CDH7: variants seen among roughly 807,000 people sequenced by gnomAD.
CDH7 encodes cadherin-7.
Under a neutral mutation model 71.8 loss-of-function variants are expected in CDH7, and 25 were observed. That is an observed-to-expected ratio of 0.35 (90% CI 0.25 to 0.49). The LOEUF (loss-of-function observed/expected upper bound fraction) is 0.49. Among genes scored for constraint, CDH7 ranks in the 20% least tolerant of loss-of-function variants. The pLI is 0.99. For missense variants in CDH7, 862 were observed against 974.6 expected, an observed-to-expected ratio of 0.88 and a Z score of 1.54; for synonymous variants, 381 against 363.8, an observed-to-expected ratio of 1.05 and a Z score of -0.54.
intron 6 of CDH7, among the ~76,000 whole-genome samples, chr18:65,833,983 T>C (rs983713797): frequency 4.6e-5 from 7 of 152,184 alleles, no homozygotes; most frequent in African/African-American, 1.7e-4. Context: ...GAGTCCATTA[T>C]GGAATTTATT....
intron 2 of CDH7, chr18:65,803,678 G>C (rs575292533): frequency 6.6e-6 from 1 of 151,972 alleles, no homozygotes; most frequent in South Asian, 2.1e-4. Context: ...TAGAAAACTT[G>C]TTTATAATAT....
chr18:65,859,874 T>G, intron 10 of CDH7, 49 bp downstream of exon 10: 1 of 1,089,670 alleles, frequency 9.2e-7, no homozygotes, highest in Non-Finnish European at 1.4e-6. Flanking sequence ...ACAGATACTC[T>G]AAGCAAGTAT....
chr18:65,886,110 T>A lies in CDH7; in HGVS notation c.*5216T>A, dbSNP rs1392307814. 2.0e-5 allele frequency: 3 copies of A among 152,230 alleles called. No individual in the cohort carries two copies. Among genetic ancestry groups the A allele is most frequent in the Non-Finnish European group, 4.4e-5 (3 of 68,030 alleles). The allele number at this position is 152,230 out of a possible 1,614,324, so 9.4% of individuals were successfully genotyped here. A position where few individuals can be genotyped will look rare whatever the true frequency, so the allele number is the denominator to read the frequency against. On this transcript the variant is annotated 3_prime_UTR_variant, in exon 12 of 12. Coordinates refer to ENST00000397968, the MANE Select transcript of CDH7 (RefSeq NM_004361.5). ...TTTTGCTGTGCCCTAGATGCCATTT[T>A]CATTCTCTGAACTTTTATAGCTTCA...
chr18:65,855,380 T>C (rs1398697006), intron 7 of CDH7, among the ~76,000 whole-genome samples: 4 of 148,000 alleles, frequency 2.7e-5, no homozygotes, highest in Non-Finnish European at 6.0e-5. Context: ...AAATGATAAA[T>C]ATTAAGAACA....
chr18:65,839,829 A>G (rs1912663701), intron 6 of CDH7, among the ~76,000 whole-genome samples: 1 of 152,198 alleles, frequency 6.6e-6, no homozygotes, highest in African/African-American at 2.4e-5. Flanking sequence ...GATGCTGATC[A>G]CTGAAGGCCA....
chr18:65,767,536 G>T (rs1916413734), intron 2 of CDH7, among the ~76,000 whole-genome samples: 1 of 152,136 alleles, frequency 6.6e-6, no homozygotes, highest in African/African-American at 2.4e-5. Context: ...AACAGGAAAA[G>T]TGTCCTCTGA....
intron 11 of CDH7, among the ~76,000 whole-genome samples, chr18:65,878,253 GCT>G (rs1418219975): frequency 6.6e-6 from 1 of 152,066 alleles, no homozygotes; most frequent in African/African-American, 2.4e-5. Context: ...AAAACAAACT[GCT>G]CTGTTGCATA....
intron 5 of CDH7, among the ~76,000 whole-genome samples, chr18:65,823,660 G>A (rs538366401): frequency 8.6e-5 from 13 of 151,998 alleles, no homozygotes; most frequent in African/African-American, 3.1e-4. Flanking sequence ...AAAACAAACA[G>A]TAACTATTCA....
At chr18:65,752,780 G>T (rs1010704577) in intron 1 of CDH7, among the ~76,000 whole-genome samples, 1 of 152,274 alleles carries the variant, frequency 6.6e-6, no homozygotes, top group Admixed American at 6.5e-5. Flanking sequence ...GAGTCTGTCT[G>T]AGGAAAGAAA....
At chr18:65,818,307 G>A (rs559882723) in intron 4 of CDH7, among the ~76,000 whole-genome samples, 39 of 151,954 alleles carry the variant, frequency 2.6e-4, no homozygotes, top group African/African-American at 3.4e-4. Context: ...AGAATGAATT[G>A]GGTTTATTAC....
intron 2 of CDH7, among the ~76,000 whole-genome samples, chr18:65,775,354 A>AT (rs1255363087): frequency 6.6e-6 from 1 of 152,212 alleles, no homozygotes; most frequent in Non-Finnish European, 1.5e-5. Flanking sequence ...AATAGGTCTC[A>AT]TGTAATACAA....
Position 65,859,790 on chromosome 18 carries a change from C to T in CDH7, c.1577C>T (p.Thr526Ile), listed in dbSNP as rs780665230. Residue 526 changes from threonine to isoleucine, a missense_variant, in exon 10 of 12, where the codon ACA becomes ATA. By Grantham distance (89) the Thr-to-Ile change is moderately conservative. Coordinates refer to ENST00000397968, the MANE Select transcript of CDH7 (RefSeq NM_004361.5). ...QFYFSLTTDATNNHNFSLKDN... is the reference protein window; with the variant it reads ...QFYFSLTTDAINNHNFSLKDN... ...TACTTCAGCTTAACAACGGATGCAA[C>T]AAATAACCACAACTTTTCATTGAAA... 6.2e-7 allele frequency: 1 copy of T among 1,605,534 alleles called. No homozygotes were observed. Among genetic ancestry groups the T allele is most frequent in the Non-Finnish European group, 8.5e-7 (1 of 1,172,402 alleles).
chr18:65,843,912 C>T lies in CDH7; in HGVS notation c.1082C>T (p.Thr361Met), dbSNP rs142208974. The part of the protein sequence containing the change: ...RFLSLGPFSD[T>M]TTVKIIVEDV... ...CTGAGCTTGGGTCCGTTCAGTGACA[C>T]GACAACTGTGAAGATAATTGTGGAA... Residue 361 changes from threonine (T) to methionine (M), a missense_variant, in exon 7 of 12, where the codon ACG becomes ATG. Physicochemically the swap from Thr to Met is moderately conservative, Grantham distance 81. Coordinates refer to ENST00000397968, the MANE Select transcript of CDH7 (RefSeq NM_004361.5). The T allele has an allele frequency of 4.0e-4, 641 of 1,606,034 alleles. No individual in the cohort carries two copies. Among genetic ancestry groups the T allele is most frequent in the Non-Finnish European group, 5.3e-4 (626 of 1,175,046 alleles).
chr18:65,786,091 T>A (rs573536579), intron 2 of CDH7, among the ~76,000 whole-genome samples: 1 of 152,318 alleles, frequency 6.6e-6, no homozygotes, highest in East Asian at 1.9e-4. Flanking sequence ...CCCATTAATA[T>A]GGTTGTAACA....
chr18:65,784,335 T>C (rs974556721), intron 2 of CDH7, among the ~76,000 whole-genome samples: 2 of 152,034 alleles, frequency 1.3e-5, no homozygotes, highest in African/African-American at 4.8e-5. Flanking sequence ...ATGAACAAAG[T>C]GGACACCTGG....
chr18:65,886,149 G>C lies in CDH7; in HGVS notation c.*5255G>C, dbSNP rs1323213777. 2 of 152,088 alleles carry C rather than the reference G, an allele frequency of 1.3e-5. No homozygotes were observed. Among genetic ancestry groups the C allele is most frequent in the Admixed American group, 6.6e-5 (1 of 15,250 alleles). The allele number at this position is 152,088 out of a possible 1,614,324, so 9.4% of individuals were successfully genotyped here. ...TTTATAGCTTCATGATTAAAATTGAGTTAATTACTATTGTGTTTCAGAGGC... is the reference window on the plus strand; with the variant it reads ...TTTATAGCTTCATGATTAAAATTGACTTAATTACTATTGTGTTTCAGAGGC... On this transcript the variant is annotated 3_prime_UTR_variant, in exon 12 of 12. Coordinates refer to ENST00000397968, the MANE Select transcript of CDH7 (RefSeq NM_004361.5).
At chr18:65,808,958 G>T (rs1911426320) in intron 2 of CDH7, among the ~76,000 whole-genome samples, 1 of 152,176 alleles carries the variant, frequency 6.6e-6, no homozygotes, top group Admixed American at 6.5e-5. Flanking sequence ...ATACAGCAGG[G>T]ACAGTTCCAG....
chr18:65,756,611 A>G (rs1483535552), intron 1 of CDH7, among the ~76,000 whole-genome samples: 1 of 152,250 alleles, frequency 6.6e-6, no homozygotes, highest in Non-Finnish European at 1.5e-5. Flanking sequence ...GACTCCAGAC[A>G]GCAGAGAGCA....
intron 3 of CDH7, among the ~76,000 whole-genome samples, chr18:65,812,309 T>C (rs1399381941): frequency 6.6e-6 from 1 of 152,132 alleles, no homozygotes; most frequent in Non-Finnish European, 1.5e-5. Flanking sequence ...CTTGGCTGAT[T>C]CAAATGGGTT....
Sources: allele counts gnomAD v4.1 joint callset (sites outside exome capture counted in the v4.1 genomes callset), GRCh38; gene constraint gnomAD v4.1.1; transcripts MANE v1.5; gene names NCBI Gene and HGNC (gene_info 2026-07-23, HGNC 2026-07-21).